ATRNL1: variants seen among roughly 807,000 people sequenced by gnomAD.
ATRNL1 encodes attractin like 1.
Under a neutral mutation model 182.7 loss-of-function variants are expected in ATRNL1, and 95 were observed. That is an observed-to-expected ratio of 0.52 (90% confidence interval 0.44 to 0.62). ATRNL1 has a LOEUF of 0.62. Among genes scored for constraint, ATRNL1 ranks in the 20% least tolerant of loss-of-function variants. ATRNL1 has a pLI of 0.00. For synonymous variants in ATRNL1, 576 were observed against 568.3 expected (o/e 1.01, Z -0.19); for missense variants, 1,471 against 1,679.5 (o/e 0.88, Z 2.17).
At chr10:115,729,495 T>TTGTGTGTGTGTG (rs139166434) in intron 27 of ATRNL1, among the ~76,000 whole-genome samples, 1,449 of 142,114 alleles carry the variant, frequency 0.01, 21 homozygotes, top group South Asian at 0.017. Context: ...CTACCCCATT[T>TTGTGTGTGTGTG]TGTGTGTGTG....
chr10:115,521,138 T>TTTGTTGTTGTTGTTGTTG (rs68061119), intron 25 of ATRNL1, among the ~76,000 whole-genome samples: 4 of 148,952 alleles, frequency 2.7e-5, no homozygotes, highest in African/African-American at 1.0e-4. Flanking sequence ...TAAAACAACT[T>TTTGTTGTTGTTGTTGTTG]TTGTTGTTGT....
intron 7 of ATRNL1, among the ~76,000 whole-genome samples, chr10:115,166,919 A>C (rs1204778102): frequency 6.6e-6 from 1 of 151,694 alleles, no homozygotes; most frequent in Non-Finnish European, 1.5e-5. Flanking sequence ...TTTTAATTTT[A>C]ATTTATTTTT....
chr10:115,869,477 G>GAC (rs573207406), intron 28 of ATRNL1, among the ~76,000 whole-genome samples: 168 of 152,208 alleles, frequency 1.1e-3, no homozygotes, highest in African/African-American at 3.9e-3. Flanking sequence ...AGGTGCTGTG[G>GAC]ACAGGGGAGG....
chr10:115,765,862 A>G (rs558290371), intron 27 of ATRNL1, among the ~76,000 whole-genome samples: 7 of 152,268 alleles, frequency 4.6e-5, no homozygotes, highest in African/African-American at 1.7e-4. Flanking sequence ...CCACAGTACT[A>G]TATTCAACTA....
chr10:115,356,351 A>G (rs137932356), intron 19 of ATRNL1, among the ~76,000 whole-genome samples: 270 of 152,198 alleles, frequency 1.8e-3, no homozygotes, highest in African/African-American at 5.7e-3. Context: ...TGACACAACA[A>G]TGTTAAAAGT....
intron 17 of ATRNL1, among the ~76,000 whole-genome samples, chr10:115,304,711 G>C (rs1853641400): frequency 6.6e-6 from 1 of 152,108 alleles, no homozygotes; most frequent in Admixed American, 6.5e-5. Context: ...TCCCACCCTA[G>C]CCTTTTAATA....
chr10:115,871,476 TG>T (rs1951582967), intron 28 of ATRNL1, among the ~76,000 whole-genome samples: 1 of 4,042 alleles, frequency 2.5e-4, no homozygotes, highest in Non-Finnish European at 6.7e-3. Context: ...TCTTTGTGTG[TG>T]TGTATATATA....
intron 19 of ATRNL1, among the ~76,000 whole-genome samples, chr10:115,359,319 A>G (rs939278790): frequency 2.6e-5 from 4 of 151,678 alleles, no homozygotes; most frequent in Non-Finnish European, 5.9e-5. Flanking sequence ...TGCTGTATTA[A>G]TATTACTACA....
intron 28 of ATRNL1, among the ~76,000 whole-genome samples, chr10:115,912,000 A>G (rs906875664): frequency 5.9e-5 from 9 of 152,142 alleles, no homozygotes; most frequent in African/African-American, 2.2e-4. Flanking sequence ...ACCATGCGCT[A>G]ACACAAGACT....
At chr10:115,096,149 C>G (rs1161120111) in intron 1 of ATRNL1, among the ~76,000 whole-genome samples, 1 of 152,050 alleles carries the variant, frequency 6.6e-6, no homozygotes, top group Non-Finnish European at 1.5e-5. Flanking sequence ...AACAATAAAT[C>G]CTGAGCTAAT....
At chr10:115,761,079 GCGTTTCAAAGACTGCAC>G in intron 27 of ATRNL1, among the ~76,000 whole-genome samples, 1 of 149,900 alleles carries the variant, frequency 6.7e-6, no homozygotes, top group African/African-American at 2.5e-5. Flanking sequence ...ATTTGAGGTA[GCGTTTCAAAGACTGCAC>G]TGTTGGAGCT....
intron 8 of ATRNL1, among the ~76,000 whole-genome samples, chr10:115,193,470 GT>G (rs1477785219): frequency 1.3e-5 from 2 of 151,874 alleles, no homozygotes; most frequent in Non-Finnish European, 2.9e-5. Context: ...TGCAAGTAAT[GT>G]ATCTGTTTCT....
intron 8 of ATRNL1, 24 bp from the exon 9 acceptor site, chr10:115,215,673 T>C (rs1399837988): frequency 1.3e-6 from 2 of 1,532,844 alleles, no homozygotes; most frequent in Non-Finnish European, 1.8e-6. Flanking sequence ...TTGAAATTTA[T>C]AATGTATTTT....
chr10:115,818,255 A>G (rs1030859757), intron 27 of ATRNL1, among the ~76,000 whole-genome samples: 1 of 150,324 alleles, frequency 6.7e-6, no homozygotes. Context: ...AATAAGTGCC[A>G]GAAGCATGGA....
chr10:115,758,485 TC>T (rs1948649850), intron 27 of ATRNL1, among the ~76,000 whole-genome samples: 2 of 152,210 alleles, frequency 1.3e-5, no homozygotes, highest in South Asian at 4.1e-4. Context: ...TGCTGCCTGT[TC>T]CTACCTCTGA....
intron 26 of ATRNL1, among the ~76,000 whole-genome samples, chr10:115,623,077 A>C (rs948471500): frequency 6.6e-6 from 1 of 152,238 alleles, no homozygotes; most frequent in South Asian, 2.1e-4. Flanking sequence ...AAATTTTAAC[A>C]TAACTTTCTC....
At chr10:115,840,971 C>G (rs782326295) in intron 27 of ATRNL1, among the ~76,000 whole-genome samples, 1 of 152,128 alleles carries the variant, frequency 6.6e-6, no homozygotes, top group African/African-American at 2.4e-5. Flanking sequence ...GAAACTCATA[C>G]ATCAAGTATA....
At chr10:115,486,740 G>A (rs187949986) in intron 24 of ATRNL1, among the ~76,000 whole-genome samples, 1 of 151,890 alleles carries the variant, frequency 6.6e-6, no homozygotes, top group South Asian at 2.1e-4. Flanking sequence ...AAGCTCTTTA[G>A]TTTAGTTTCC....
At chr10:115,677,942 A>C (rs1048031063) in intron 26 of ATRNL1, among the ~76,000 whole-genome samples, 1 of 152,056 alleles carries the variant, frequency 6.6e-6, no homozygotes, top group African/African-American at 2.4e-5. Context: ...GGGGTATGCA[A>C]AGTAGGCTGT....
Sources: gnomAD v4.1 joint callset for allele counts (sites outside exome capture counted in the v4.1 genomes callset) on GRCh38, gnomAD v4.1.1 for gene constraint, MANE v1.5 for transcripts, NCBI Gene and HGNC (gene_info 2026-07-23, HGNC 2026-07-21) for gene names.